Variants in NHS observed in about 807,000 individuals in gnomAD.
NHS encodes the protein NHS actin remodeling regulator, also known as actin remodeling regulator NHS.
A neutral mutation model predicts 72.5 loss-of-function variants in NHS; 5 were observed. That is an observed-to-expected ratio of 0.07 (90% CI 0.04 to 0.14). The LOEUF is 0.14. Ranked by LOEUF, NHS falls within the 10% of genes least tolerant of loss-of-function variation. The pLI is 1.00. For synonymous variants in NHS, 464 were observed against 547.7 expected (o/e 0.85, Z 2.13); for missense variants, 1,072 against 1,355.7 (o/e 0.79, Z 3.29).
intron 1 of NHS, among the ~76,000 whole-genome samples, chrX:17,667,674 C>T (rs2066020544): frequency 9.0e-6 from 1 of 111,479 alleles, no homozygotes; most frequent in Non-Finnish European, 1.9e-5. Context: ...GTGAGCATCA[C>T]AGATGATGAA....
At chrX:17,522,566 T>A (rs761137021) in intron 1 of NHS, among the ~76,000 whole-genome samples, 16 of 93,407 alleles carry the variant, frequency 1.7e-4, no homozygotes, top group South Asian at 6.7e-4. Flanking sequence ...TTTCAGGAGC[T>A]GCAGCCGCCT....
intron 3 of NHS, among the ~76,000 whole-genome samples, chrX:17,709,578 T>C (rs1000191975): frequency 1.8e-5 from 2 of 111,996 alleles, no homozygotes; most frequent in Non-Finnish European, 3.8e-5. Context: ...TACATTATTA[T>C]TACAAGACTG....
chrX:17,680,514 G>C (rs2066120855), intron 1 of NHS, among the ~76,000 whole-genome samples: 1 of 113,236 alleles, frequency 8.8e-6, no homozygotes, highest in African/African-American at 3.2e-5. Flanking sequence ...ACACGTGTGT[G>C]CACATGCACA....
chrX:17,678,271 GGT>G (rs747335244), intron 1 of NHS, among the ~76,000 whole-genome samples: 21 of 102,507 alleles, frequency 2.0e-4, no homozygotes, highest in South Asian at 4.3e-4. Flanking sequence ...AATGACTGTG[GGT>G]GTGTGTGTGT....
At chrX:17,612,819 A>G (rs2065717487) in intron 1 of NHS, among the ~76,000 whole-genome samples, 1 of 110,156 alleles carries the variant, frequency 9.1e-6, no homozygotes, top group South Asian at 3.9e-4. Context: ...GGAAGTGATC[A>G]TTCCTTAAAT....
intron 1 of NHS, among the ~76,000 whole-genome samples, chrX:17,417,185 G>A (rs1323010373): frequency 1.8e-5 from 2 of 110,406 alleles, no homozygotes; most frequent in Non-Finnish European, 3.8e-5. Context: ...GCATACCAGG[G>A]TCAGAAATTT....
intron 1 of NHS, among the ~76,000 whole-genome samples, chrX:17,668,814 G>A (rs761093022): frequency 1.8e-5 from 2 of 111,320 alleles, no homozygotes; most frequent in Non-Finnish European, 3.8e-5. Context: ...GCCACCGTGT[G>A]GGTAGCTGTG....
intron 1 of NHS, among the ~76,000 whole-genome samples, chrX:17,508,539 C>T (rs1385408488): frequency 1.8e-5 from 2 of 111,444 alleles, no homozygotes; most frequent in Non-Finnish European, 3.8e-5. Flanking sequence ...GGCATGATCT[C>T]GGCTCACTGC....
Position 17,726,517 on chromosome X carries a change from A to G in NHS, c.2411A>G (p.Tyr804Cys). 8.3e-7 allele frequency: 1 copy of G among 1,211,929 alleles called. No homozygotes were observed. Among genetic ancestry groups the G allele is most frequent in the Non-Finnish European group, 1.1e-6 (1 of 895,517 alleles). The change falls in exon 7 of 9, where the codon TAT (tyrosine) becomes TGT (cysteine). Residue 804 changes from tyrosine (Y) to cysteine (C), a missense_variant. Transcript: ENST00000676302. ...GGTAATAAGAGCTATGTCTGTCACT[A>G]TGCAGCCCTGGGCCCAGAGAATGGC... ...LKGNKSYVCH[Y>C]AALGPENGQG... is the part of the protein sequence containing the mutation.
intron 2 of NHS, among the ~76,000 whole-genome samples, chrX:17,688,259 G>A (rs748865326): frequency 8.1e-5 from 9 of 111,543 alleles, no homozygotes; most frequent in African/African-American, 2.0e-4. Context: ...AAACTATTCC[G>A]AGGGGCAGGA....
intron 3 of NHS, among the ~76,000 whole-genome samples, chrX:17,696,668 C>A (rs190361208): frequency 3.8e-4 from 42 of 111,711 alleles, no homozygotes; most frequent in Non-Finnish European, 6.8e-4. Context: ...CTGTTTGAGG[C>A]AATTGAATAC....
intron 1 of NHS, among the ~76,000 whole-genome samples, chrX:17,398,813 C>G (rs1471087883): frequency 9.0e-6 from 1 of 111,622 alleles, no homozygotes; most frequent in Non-Finnish European, 1.9e-5. Flanking sequence ...TAGGGCTGGT[C>G]AAAGCAAATC....
At chrX:17,484,197 G>C (rs760251354) in intron 1 of NHS, among the ~76,000 whole-genome samples, 30 of 112,326 alleles carry the variant, frequency 2.7e-4, no homozygotes, top group Non-Finnish European at 5.6e-5. Context: ...TCTTGAACAT[G>C]CTTCTTTGTC....
chrX:17,457,036 T>C (rs1448902882), intron 1 of NHS, among the ~76,000 whole-genome samples: 2 of 111,902 alleles, frequency 1.8e-5, no homozygotes, highest in Admixed American at 9.5e-5. Flanking sequence ...ATGATGAAGA[T>C]AGTGTTGATA....
intron 1 of NHS, among the ~76,000 whole-genome samples, chrX:17,391,850 C>T (rs1430364980): frequency 1.8e-5 from 2 of 111,836 alleles, no homozygotes; most frequent in African/African-American, 6.5e-5. Flanking sequence ...GTGAGACTGT[C>T]TGTATCTTTT....
Position 17,671,302 on chromosome X carries a change from C to A in NHS, c.566-16440C>A, listed in dbSNP as rs184395791. The stretch of plus-strand genomic sequence containing the variant: ...GAAAAAAAGCCAGCACTCAGCAGAG[C>A]TGCAGCAGAAAAGCAGAGCCCCATT... On this transcript the variant is annotated intron_variant, in intron 1 of 8. Transcript: ENST00000676302. 6.6e-3 allele frequency among the ~76,000 whole-genome samples: 737 copies of A among 112,465 alleles called. 13 individuals carry two copies. The highest frequency in any genetic ancestry group is 0.062 in the Admixed American group (658 of 10,649).
intron 1 of NHS, among the ~76,000 whole-genome samples, chrX:17,585,216 T>C (rs191713042): frequency 4.5e-5 from 5 of 112,228 alleles, no homozygotes; most frequent in African/African-American, 6.5e-5. Context: ...GTCGTTGGAC[T>C]GGTTACCTAA....
intron 1 of NHS, among the ~76,000 whole-genome samples, chrX:17,441,017 G>A (rs918869390): frequency 8.9e-6 from 1 of 111,913 alleles, no homozygotes; most frequent in Admixed American, 9.4e-5. Context: ...AGGAAGGCCA[G>A]GCTCTCAGTG....
Position 17,375,221 on chromosome X carries a change from C to T in NHS, c.-537C>T, listed in dbSNP as rs1336612361. ...TTTCAGAGCGCCTTTCCGAAACCTC[C>T]TCCCCGCCCAGCCAGGGAGAGAGAT... On this transcript the variant is annotated 5_prime_UTR_variant, in exon 1 of 9. Coordinates refer to ENST00000676302, the MANE Select transcript of NHS (RefSeq NM_001291867.2). Among the ~76,000 whole-genome samples the T allele has an allele frequency of 8.9e-6, 1 of 112,115 alleles. No individual in the cohort carries two copies. Among genetic ancestry groups the T allele is most frequent in the East Asian group, 2.9e-4 (1 of 3,505 alleles).
Sources: allele counts gnomAD v4.1 joint callset (sites outside exome capture counted in the v4.1 genomes callset), GRCh38; gene constraint gnomAD v4.1.1; transcripts MANE v1.5; gene names NCBI Gene and HGNC (gene_info 2026-07-23, HGNC 2026-07-21).